The following PAK1 variants were observed in gnomAD, a reference collection of about 807,000 sequenced individuals.
The protein encoded by PAK1 is serine/threonine-protein kinase PAK 1.
PAK1 carries 29 observed loss-of-function variants against 67.4 expected under a neutral mutation model. That is an observed-to-expected ratio of 0.43 (90% confidence interval 0.32 to 0.59). The LOEUF (loss-of-function observed/expected upper bound fraction) is 0.59, where lower values mean the gene tolerates loss of function less well. Ranked by LOEUF, PAK1 falls within the 20% of genes least tolerant of loss-of-function variation. PAK1 has a pLI of 0.07. For missense variants in PAK1, 337 were observed against 670.7 expected (o/e 0.50, Z 5.50); for synonymous variants, 223 against 237.4 (o/e 0.94, Z 0.56).
chr11:77,414,445 G>A (rs1481370248), intron 1 of PAK1, among the ~76,000 whole-genome samples: 1 of 152,182 alleles, frequency 6.6e-6, no homozygotes, highest in Non-Finnish European at 1.5e-5. Context: ...CTGGCATGTG[G>A]CCTAGGCAAT....
the PAK1 span, among the ~76,000 whole-genome samples, chr11:77,496,675 A>G: frequency 4.6e-5 from 7 of 152,136 alleles, no homozygotes; most frequent in African/African-American, 7.2e-5. Context: ...GCTCATGCCT[A>G]TAATCCCAGC....
At chr11:77,429,581 A>G (rs1305620915) in intron 1 of PAK1, among the ~76,000 whole-genome samples, 6 of 152,236 alleles carry the variant, frequency 3.9e-5, no homozygotes, top group African/African-American at 7.2e-5. Flanking sequence ...CTACCAAAGA[A>G]GCATAACGTA....
intron 1 of PAK1, among the ~76,000 whole-genome samples, chr11:77,438,359 T>C (rs916364762): frequency 2.0e-5 from 3 of 151,922 alleles, no homozygotes; most frequent in Non-Finnish European, 4.4e-5. Flanking sequence ...TCCAACCACC[T>C]CTCACCAAGC....
chr11:77,355,250 C>T (rs192518368), intron 7 of PAK1, among the ~76,000 whole-genome samples: 2 of 152,212 alleles, frequency 1.3e-5, no homozygotes, highest in Non-Finnish European at 2.9e-5. Flanking sequence ...CTTCCCTTCC[C>T]TCTTTTCCTA....
intron 5 of PAK1, among the ~76,000 whole-genome samples, chr11:77,365,856 A>C (rs557049530): frequency 6.6e-6 from 1 of 152,232 alleles, no homozygotes; most frequent in East Asian, 1.9e-4. Flanking sequence ...GAAAAAAAAA[A>C]AAATAACACC....
In PAK1 at chr11:77,349,222, G is replaced by A. The variant is rs765481354; in HGVS notation, c.885+17C>T. Reference sequence around the variant, plus strand: ...GAAACAGAACTAAAGGAGCAACAGTGGGTGGTGGATACTCACCTCCTGTCC... The same window carrying A: ...GAAACAGAACTAAAGGAGCAACAGTAGGTGGTGGATACTCACCTCCTGTCC... On this transcript the variant is annotated intron_variant, in intron 9 of 14. Coordinates refer to ENST00000356341, the MANE Select transcript of PAK1 (RefSeq NM_002576.5). The A allele has an allele frequency of 5.1e-6, 8 of 1,560,890 alleles. No individual in the cohort carries two copies. Among genetic ancestry groups the A allele is most frequent in the Non-Finnish European group, 7.0e-6 (8 of 1,140,144 alleles).
chr11:77,478,637 G>A (rs981417590), upstream of PAK1, among the ~76,000 whole-genome samples: 3 of 151,756 alleles, frequency 2.0e-5, no homozygotes, highest in Admixed American at 6.6e-5. Flanking sequence ...AAAATTAGCC[G>A]GGCGTGGTGG....
intron 8 of PAK1, among the ~76,000 whole-genome samples, chr11:77,351,487 C>T (rs942156063): frequency 6.6e-6 from 1 of 152,084 alleles, no homozygotes; most frequent in African/African-American, 2.4e-5. Flanking sequence ...AAAGGAAATA[C>T]CATCCCACAT....
intron 1 of PAK1, among the ~76,000 whole-genome samples, chr11:77,429,665 G>T (rs1955768071): frequency 6.6e-6 from 1 of 152,202 alleles, no homozygotes; most frequent in South Asian, 2.1e-4. Context: ...GTAATCTTCA[G>T]AAGTGTCAAG....
chr11:77,456,130 G>A (rs118074027), intron 1 of PAK1, among the ~76,000 whole-genome samples: 1,734 of 152,082 alleles, frequency 0.011, 16 homozygotes, highest in Middle Eastern at 0.02. Flanking sequence ...GAATACAAGT[G>A]AATTTTATAG....
chr11:77,511,117 A>T, the PAK1 span, among the ~76,000 whole-genome samples: 1 of 152,224 alleles, frequency 6.6e-6, no homozygotes, highest in Admixed American at 6.5e-5. Flanking sequence ...AATACAGTCT[A>T]GTCCTAATTC....
At chr11:77,483,926 C>T in the PAK1 span, among the ~76,000 whole-genome samples, 9 of 152,222 alleles carry the variant, frequency 5.9e-5, no homozygotes, top group Admixed American at 3.3e-4. Context: ...CAGAGCTTTA[C>T]GTTACACAAA....
chr11:77,476,701 T>C (rs1372437994), upstream of PAK1: 1 of 152,230 alleles, frequency 6.6e-6, no homozygotes, highest in African/African-American at 2.4e-5. Context: ...ATGTGTATTG[T>C]TGGCCAGGCA....
At chr11:77,355,617 C>A (rs1378622515) in intron 7 of PAK1, 51 bp downstream of exon 7, 1 of 1,473,500 alleles carries the variant, frequency 6.8e-7, no homozygotes, top group Non-Finnish European at 9.4e-7. Context: ...AATCTCTGTG[C>A]TTGACCAGTC....
chr11:77,398,981 T>C (rs901912501), intron 1 of PAK1, among the ~76,000 whole-genome samples: 1 of 152,230 alleles, frequency 6.6e-6, no homozygotes, highest in Admixed American at 6.5e-5. Context: ...AAATGAATTC[T>C]TATTCCTCCA....
chr11:77,355,861 A>AT lies in PAK1; in HGVS notation c.598-20dup. On this transcript the variant is annotated intron_variant, in intron 6 of 14. Coordinates refer to ENST00000356341, the MANE Select transcript of PAK1 (RefSeq NM_002576.5). ...TGTATACCTGCATTATTAGTGCAAA[A>AT]TTTTGGCAAGACCAGCCTTTGTTAG... The AT allele has an allele frequency of 6.2e-7, 1 of 1,608,702 alleles. No homozygotes were observed. Among genetic ancestry groups the AT allele is most frequent in the Non-Finnish European group, 8.5e-7 (1 of 1,175,782 alleles).
chr11:77,441,920 C>T (rs938025729), intron 1 of PAK1, among the ~76,000 whole-genome samples: 3 of 152,152 alleles, frequency 2.0e-5, no homozygotes, highest in South Asian at 2.1e-4. Flanking sequence ...CTTGTGTTCC[C>T]GACCCTCACG....
chr11:77,433,224 G>A (rs968317660), intron 1 of PAK1, among the ~76,000 whole-genome samples: 2 of 152,174 alleles, frequency 1.3e-5, no homozygotes, highest in African/African-American at 4.8e-5. Flanking sequence ...TTAACTGTAA[G>A]AGCTAAAAGT....
the PAK1 span, among the ~76,000 whole-genome samples, chr11:77,494,590 T>TAA: frequency 5.7e-4 from 75 of 130,564 alleles, no homozygotes; most frequent in African/African-American, 1.9e-3. Flanking sequence ...TAGCTACTAT[T>TAA]AAAAAAAAAA....
Sources: allele counts gnomAD v4.1 joint callset (sites outside exome capture counted in the v4.1 genomes callset), GRCh38; gene constraint gnomAD v4.1.1; transcripts MANE v1.5; gene names NCBI Gene and HGNC (gene_info 2026-07-23, HGNC 2026-07-21).